NELL2: variants seen among roughly 807,000 people sequenced by gnomAD.
NELL2 encodes protein kinase C-binding protein NELL2.
NELL2 carries 41 observed loss-of-function variants against 109.6 expected under a neutral mutation model. The observed-to-expected ratio is 0.37, with a 90% confidence interval of 0.29 to 0.49. The LOEUF (loss-of-function observed/expected upper bound fraction) is 0.49. Ranked by LOEUF, NELL2 falls within the 20% of genes least tolerant of loss-of-function variation. The probability of loss-of-function intolerance (pLI) is 0.98; values close to 1 mark genes in which losing one functional copy is unlikely to be tolerated. For missense variants in NELL2, 900 were observed against 1,008.3 expected (o/e 0.89, Z 1.45); for synonymous variants, 355 against 344.7 (o/e 1.03, Z -0.33).
intron 3 of NELL2, among the ~76,000 whole-genome samples, chr12:44,786,199 C>T (rs762086750): frequency 1.3e-5 from 2 of 151,912 alleles, no homozygotes; most frequent in Non-Finnish European, 2.9e-5. Context: ...AACAAACAGC[C>T]CCATCAAAAA....
At chr12:44,599,966 T>G (rs868097742) in intron 15 of NELL2, among the ~76,000 whole-genome samples, 3 of 145,058 alleles carry the variant, frequency 2.1e-5, no homozygotes, top group South Asian at 4.5e-4. Flanking sequence ...TTCCGTTTTT[T>G]TTTTTTTTTT....
chr12:44,876,648 A>G, upstream of NELL2: 1 of 1,551,394 alleles, frequency 6.4e-7, no homozygotes, highest in Non-Finnish European at 8.7e-7. Context: ...AGGAGAGAAA[A>G]AAGACCACCC....
At chr12:44,566,495 T>G (rs1943662186) in intron 15 of NELL2, among the ~76,000 whole-genome samples, 1 of 151,360 alleles carries the variant, frequency 6.6e-6, no homozygotes, top group Non-Finnish European at 1.5e-5. Flanking sequence ...AGTTCATATG[T>G]GCTTTTTTGC....
intron 9 of NELL2, among the ~76,000 whole-genome samples, chr12:44,754,646 A>C (rs1940803062): frequency 6.6e-6 from 1 of 152,186 alleles, no homozygotes; most frequent in Non-Finnish European, 1.5e-5. Flanking sequence ...GGTATATTGG[A>C]AAAAAGATAA....
At chr12:44,746,567 C>T (rs1412298616) in intron 9 of NELL2, among the ~76,000 whole-genome samples, 28 of 152,110 alleles carry the variant, frequency 1.8e-4, no homozygotes, top group East Asian at 5.8e-4. Context: ...AGGGCTAATA[C>T]CCAGAATCTA....
At chr12:44,709,623 A>G (rs1360685685) in intron 11 of NELL2, among the ~76,000 whole-genome samples, 1 of 152,194 alleles carries the variant, frequency 6.6e-6, no homozygotes, top group Admixed American at 6.6e-5. Flanking sequence ...TTGCAGAAAT[A>G]GAGAACTACT....
intron 3 of NELL2, among the ~76,000 whole-genome samples, chr12:44,780,913 G>C (rs1482181596): frequency 6.6e-6 from 1 of 152,120 alleles, no homozygotes; most frequent in Non-Finnish European, 1.5e-5. Context: ...TGACAAAGCA[G>C]TGTCAGAGAA....
At chr12:44,866,716 T>C (rs924485342) in intron 2 of NELL2, among the ~76,000 whole-genome samples, 3 of 151,764 alleles carry the variant, frequency 2.0e-5, no homozygotes, top group African/African-American at 7.3e-5. Context: ...TAAACAAAAT[T>C]GACATGCCTT....
chr12:44,787,353 G>A (rs891550396), intron 3 of NELL2, among the ~76,000 whole-genome samples: 9 of 152,026 alleles, frequency 5.9e-5, no homozygotes, highest in African/African-American at 2.2e-4. Context: ...TCCCCAGTGT[G>A]ATATAAATGT....
rs764215390 is a variant in NELL2 at position 44,524,775 on chromosome 12, A to T, written c.1805-1291T>A. ...TGATTACAGAGCTTTATTAAGCTTGATTTGTTAAGGATAATATTACTTATT... is the reference window on the plus strand; with the variant it reads ...TGATTACAGAGCTTTATTAAGCTTGTTTTGTTAAGGATAATATTACTTATT... On this transcript the variant is annotated intron_variant, in intron 16 of 19. Transcript: ENST00000429094. Among the ~76,000 whole-genome samples the T allele has an allele frequency of 6.6e-5, 10 of 152,230 alleles. No homozygotes were observed. In the East Asian group the frequency reaches 1.7e-3, roughly 26 times the overall value.
chr12:44,729,579 C>CAAAAT (rs1555206434), intron 9 of NELL2, among the ~76,000 whole-genome samples: 2 of 121,704 alleles, frequency 1.6e-5, no homozygotes, highest in African/African-American at 6.3e-5. Flanking sequence ...AAAAAAAAAA[C>CAAAAT]CAAGAGCCAA....
At chr12:44,875,481 G>GCCT in intron 1 of NELL2, 128 bp from the exon 2 acceptor site, 1 of 1,613,886 alleles carries the variant, frequency 6.2e-7, no homozygotes, top group Non-Finnish European at 8.5e-7. Context: ...AGAGGCGACT[G>GCCT]CCTCCTCCTC....
At chr12:44,795,033 T>C (rs1226819860) in intron 3 of NELL2, among the ~76,000 whole-genome samples, 1 of 152,140 alleles carries the variant, frequency 6.6e-6, no homozygotes, top group East Asian at 1.9e-4. Flanking sequence ...TAAGATTAGG[T>C]TTCCGAGAAA....
At chr12:44,775,976 G>T (rs112964284) in intron 8 of NELL2, 46 bp downstream of exon 8, 1 of 1,591,434 alleles carries the variant, frequency 6.3e-7, no homozygotes, top group South Asian at 1.1e-5. Context: ...TTTAAAGAGT[G>T]GGAGCATCTG....
intron 2 of NELL2, among the ~76,000 whole-genome samples, chr12:44,838,089 T>C (rs1372385905): frequency 6.6e-6 from 1 of 152,150 alleles, no homozygotes; most frequent in Non-Finnish European, 1.5e-5. Context: ...CCACAATCCA[T>C]AGAGTTTACC....
intron 13 of NELL2, among the ~76,000 whole-genome samples, chr12:44,635,613 T>C (rs1023399590): frequency 6.6e-6 from 1 of 152,194 alleles, no homozygotes; most frequent in African/African-American, 2.4e-5. Flanking sequence ...GTGTTATTTC[T>C]GAGGCCTCTG....
intron 11 of NELL2, among the ~76,000 whole-genome samples, chr12:44,707,023 A>G (rs1373982425): frequency 6.6e-6 from 1 of 152,232 alleles, no homozygotes; most frequent in East Asian, 1.9e-4. Flanking sequence ...ATCAAGAGAA[A>G]GAGAATACAA....
chr12:44,584,963 G>C (rs914420357), intron 15 of NELL2, among the ~76,000 whole-genome samples: 2 of 152,164 alleles, frequency 1.3e-5, no homozygotes, highest in African/African-American at 4.8e-5. Context: ...CCATTATTAT[G>C]TCCTCTGATC....
intron 16 of NELL2, among the ~76,000 whole-genome samples, chr12:44,531,773 T>C (rs1032133137): frequency 2.6e-5 from 4 of 152,234 alleles, no homozygotes; most frequent in Non-Finnish European, 5.9e-5. Flanking sequence ...TCAGGCTCTA[T>C]GAAGTTGTAA....
Sources: allele counts gnomAD v4.1 joint callset (sites outside exome capture counted in the v4.1 genomes callset), GRCh38; gene constraint gnomAD v4.1.1; transcripts MANE v1.5; gene names NCBI Gene and HGNC (gene_info 2026-07-23, HGNC 2026-07-21).